Variants in KSR2 observed in about 807,000 individuals in gnomAD.
KSR2 encodes kinase suppressor of ras 2.
KSR2 carries 25 observed loss-of-function variants against 107.8 expected under a neutral mutation model. The observed-to-expected ratio is 0.23, with a 90% CI of 0.17 to 0.32. The LOEUF is 0.32. Among genes scored for constraint, KSR2 ranks in the 10% least tolerant of loss-of-function variants. The pLI, the probability that KSR2 is intolerant of heterozygous loss-of-function variation, is 1.00. For synonymous variants in KSR2, 480 were observed against 507.0 expected, an observed-to-expected ratio of 0.95 and a Z score of 0.71; for missense variants, 887 against 1,268.9, an observed-to-expected ratio of 0.70 and a Z score of 4.57.
At chr12:117,652,320 T>A (rs1400253330) in intron 5 of KSR2, among the ~76,000 whole-genome samples, 1 of 151,356 alleles carries the variant, frequency 6.6e-6, no homozygotes, top group Admixed American at 6.5e-5. Context: ...AAAATAAAAA[T>A]AATAATAATT....
chr12:117,700,023 C>T (rs1886238226), intron 4 of KSR2, among the ~76,000 whole-genome samples: 1 of 151,060 alleles, frequency 6.6e-6, no homozygotes, highest in Admixed American at 6.7e-5. Flanking sequence ...CAGGCGCCCA[C>T]CACCACTCCT....
intron 4 of KSR2, among the ~76,000 whole-genome samples, chr12:117,759,276 A>T (rs535173587): frequency 6.6e-6 from 1 of 152,320 alleles, no homozygotes; most frequent in South Asian, 2.1e-4. Flanking sequence ...ACCTGTTTTT[A>T]TAAATAAAGT....
intron 5 of KSR2, among the ~76,000 whole-genome samples, chr12:117,594,692 A>G (rs1329860452): frequency 1.3e-5 from 2 of 152,160 alleles, no homozygotes; most frequent in African/African-American, 4.8e-5. Flanking sequence ...GAACTTGGAG[A>G]TAAGGAAGGA....
intron 4 of KSR2, among the ~76,000 whole-genome samples, chr12:117,701,015 C>G (rs951336302): frequency 4.6e-5 from 7 of 152,242 alleles, no homozygotes; most frequent in African/African-American, 1.7e-4. Context: ...CACAAACCAA[C>G]TAACCTTTTA....
chr12:117,821,569 T>C (rs1472448918), intron 3 of KSR2, among the ~76,000 whole-genome samples: 1 of 152,218 alleles, frequency 6.6e-6, no homozygotes, highest in African/African-American at 2.4e-5. Flanking sequence ...GGTAGGCCAT[T>C]AGTAAAGTTT....
chr12:117,793,687 GCA>G (rs1240610345), intron 3 of KSR2, among the ~76,000 whole-genome samples: 3 of 139,930 alleles, frequency 2.1e-5, no homozygotes, highest in Non-Finnish European at 3.0e-5. Context: ...ACACCAACAT[GCA>G]CACATACAAC....
At chr12:117,775,539 G>A (rs1282111021) in intron 3 of KSR2, among the ~76,000 whole-genome samples, 1 of 152,198 alleles carries the variant, frequency 6.6e-6, no homozygotes, top group East Asian at 1.9e-4. Flanking sequence ...GGAGTCACTG[G>A]CCCAAGGCCA....
At chr12:117,713,822 G>A (rs1355956204) in intron 4 of KSR2, among the ~76,000 whole-genome samples, 1 of 151,576 alleles carries the variant, frequency 6.6e-6, no homozygotes, top group Non-Finnish European at 1.5e-5. Flanking sequence ...GGGATGAGGC[G>A]AAAACACAAA....
chr12:117,574,116 T>G (rs561326384), intron 7 of KSR2, among the ~76,000 whole-genome samples: 1 of 152,266 alleles, frequency 6.6e-6, no homozygotes, highest in South Asian at 2.1e-4. Flanking sequence ...GCCTGGGAAC[T>G]TGATAGAAAT....
intron 3 of KSR2, among the ~76,000 whole-genome samples, chr12:117,820,664 A>C (rs556785176): frequency 1.1e-4 from 17 of 152,138 alleles, no homozygotes; most frequent in Non-Finnish European, 2.4e-4. Flanking sequence ...CAACAAAGAC[A>C]AAGAACCTCC....
chr12:117,654,141 C>A (rs552155809), intron 5 of KSR2, among the ~76,000 whole-genome samples: 1 of 152,190 alleles, frequency 6.6e-6, no homozygotes, highest in Non-Finnish European at 1.5e-5. Context: ...ATCAATGTGA[C>A]CTGAACTGCC....
chr12:117,721,396 C>CTATA (rs1255042309), intron 4 of KSR2, among the ~76,000 whole-genome samples: 2 of 152,110 alleles, frequency 1.3e-5, no homozygotes, highest in Non-Finnish European at 2.9e-5. Context: ...GTATAGAAGG[C>CTATA]TATATGGTCA....
chr12:117,640,650 C>T (rs1382647428), intron 5 of KSR2, among the ~76,000 whole-genome samples: 1 of 152,224 alleles, frequency 6.6e-6, no homozygotes, highest in African/African-American at 2.4e-5. Context: ...GGTTGGGCAG[C>T]AGCAGCAGCA....
intron 4 of KSR2, among the ~76,000 whole-genome samples, chr12:117,715,979 C>T (rs1184642119): frequency 6.6e-6 from 1 of 152,190 alleles, no homozygotes; most frequent in Non-Finnish European, 1.5e-5. Context: ...TCCTCTATCC[C>T]CCCGACACCT....
intron 4 of KSR2, among the ~76,000 whole-genome samples, chr12:117,734,506 C>T (rs963370874): frequency 3.9e-5 from 6 of 152,130 alleles, no homozygotes; most frequent in Non-Finnish European, 7.3e-5. Flanking sequence ...TCCTCCAAGA[C>T]TATTCCAAGT....
intron 3 of KSR2, among the ~76,000 whole-genome samples, chr12:117,836,712 G>C (rs1330475028): frequency 6.6e-6 from 1 of 152,200 alleles, no homozygotes; most frequent in South Asian, 2.1e-4. Context: ...GCCAACTGTG[G>C]CCCGTGTCTT....
At chr12:117,793,444 CTCAA>C (rs1890372201) in intron 3 of KSR2, among the ~76,000 whole-genome samples, 1 of 150,558 alleles carries the variant, frequency 6.6e-6, no homozygotes, top group Non-Finnish European at 1.5e-5. Context: ...AACATGCACA[CTCAA>C]ACCAACATGC....
At chr12:117,852,979 T>C (rs1892979066) in intron 3 of KSR2, among the ~76,000 whole-genome samples, 1 of 152,170 alleles carries the variant, frequency 6.6e-6, no homozygotes, top group Non-Finnish European at 1.5e-5. Context: ...ATTTTTGTAT[T>C]TTTAGTAGAG....
chr12:117,541,923 C>T (rs562385515), intron 9 of KSR2, among the ~76,000 whole-genome samples: 5 of 152,138 alleles, frequency 3.3e-5, no homozygotes, highest in African/African-American at 7.2e-5. Context: ...TCTCATTCTG[C>T]GGCCTGGGCT....
Sources: gnomAD v4.1 joint callset for allele counts (sites outside exome capture counted in the v4.1 genomes callset) on GRCh38, gnomAD v4.1.1 for gene constraint, MANE v1.5 for transcripts, NCBI Gene and HGNC (gene_info 2026-07-23, HGNC 2026-07-21) for gene names.